RASAL1: variants seen among roughly 807,000 people sequenced by gnomAD.
RASAL1 encodes RAS protein activator like 1, also known as rasGAP-activating-like protein 1.
RASAL1 carries 72 observed loss-of-function variants against 96.6 expected under a neutral mutation model. That is an observed-to-expected ratio of 0.75 (90% CI 0.62 to 0.91). RASAL1 has a LOEUF of 0.91. Among genes scored for constraint, RASAL1 ranks in the 40% least tolerant of loss-of-function variants. RASAL1 has a pLI of 0.00. For synonymous variants in RASAL1, 405 were observed against 430.4 expected (o/e 0.94, Z 0.73); for missense variants, 1,016 against 1,072.5 (o/e 0.95, Z 0.74).
chr12:113,100,460 G>A (rs148436962), intron 20 of RASAL1, among the ~76,000 whole-genome samples, 168 bp downstream of exon 20: 105 of 152,196 alleles, frequency 6.9e-4, no homozygotes, highest in African/African-American at 2.2e-3. Flanking sequence ...CACCACGCCC[G>A]GCTAATTTTT....
At chr12:113,126,193 G>A (rs890587793) in intron 4 of RASAL1, among the ~76,000 whole-genome samples, 1 of 152,192 alleles carries the variant, frequency 6.6e-6, no homozygotes, top group African/African-American at 2.4e-5. Flanking sequence ...GCCAAGGCAG[G>A]AGAATTGCTT....
At chr12:113,132,257 G>A (rs1335487714) in intron 1 of RASAL1, among the ~76,000 whole-genome samples, 1 of 152,154 alleles carries the variant, frequency 6.6e-6, no homozygotes, top group Non-Finnish European at 1.5e-5. Flanking sequence ...ACAGGCGTGA[G>A]CCACCACAGC....
At position 113,132,931 on chromosome 12, in the gene RASAL1, C is replaced by G. The variant is rs536782955; in HGVS notation, c.66-1990G>C. On this transcript the variant is annotated intron_variant, in intron 1 of 20. Coordinates refer to ENST00000548055, the MANE Select transcript of RASAL1 (RefSeq NM_001301202.2). ...AAATCCATTGGAGCCTCAGTTTCCC[C>G]ATCTGGGCTTCACCTTCAGACTCCT... 9.8e-5 allele frequency among the ~76,000 whole-genome samples: 15 copies of G among 152,354 alleles called. 2 individuals are homozygous for G. In the East Asian group the frequency reaches 2.9e-3, roughly 29 times the overall value.
At chr12:113,114,743 G>A (rs1473052363) in intron 12 of RASAL1, 57 bp downstream of exon 12, 18 of 1,469,358 alleles carry the variant, frequency 1.2e-5, no homozygotes, top group Non-Finnish European at 1.7e-5. Context: ...CCCCAGACAA[G>A]GCTCCGGGTA....
At chr12:113,103,869 C>T (rs1322672345) in intron 18 of RASAL1, 77 bp downstream of exon 18, 1 of 1,535,830 alleles carries the variant, frequency 6.5e-7, no homozygotes, top group Non-Finnish European at 8.7e-7. Context: ...GTTGCACAGC[C>T]AGCCCAGGCG....
chr12:113,109,232 G>A (rs1950772631), intron 13 of RASAL1, among the ~76,000 whole-genome samples: 1 of 151,950 alleles, frequency 6.6e-6, no homozygotes, highest in African/African-American at 2.4e-5. Flanking sequence ...TTCAACACCA[G>A]CTACCAAGGA....
intron 16 of RASAL1, 114 bp from the exon 17 acceptor site, chr12:113,104,412 A>AG: frequency 9.3e-7 from 1 of 1,076,320 alleles, no homozygotes; most frequent in Non-Finnish European, 1.3e-6. Context: ...CGGGACATTC[A>AG]ACCCTGTAAG....
At chr12:113,103,009 T>C in intron 18 of RASAL1, 1 of 275,338 alleles carries the variant, frequency 3.6e-6, no homozygotes, top group East Asian at 1.4e-4. Flanking sequence ...AAGCAGCACC[T>C]CCTCCAGGAA....
intron 3 of RASAL1, 60 bp downstream of exon 3, chr12:113,128,005 C>T: frequency 1.3e-6 from 2 of 1,572,750 alleles, no homozygotes; most frequent in Middle Eastern, 1.7e-4. Context: ...ATCCCCTCTC[C>T]CCTCAGGTGC....
In RASAL1 at chr12:113,100,030, T is replaced by TTGC. The variant is rs1220778549; in HGVS notation, c.2314_2316dup (p.Ala772dup). The TTGC allele has an allele frequency of 3.1e-6, 5 of 1,613,026 alleles. No individual in the cohort carries two copies. In the South Asian group the frequency reaches 3.3e-5, roughly 11 times the overall value. On this transcript the variant is annotated inframe_insertion, in exon 21 of 21. Coordinates refer to ENST00000548055, the MANE Select transcript of RASAL1 (RefSeq NM_001301202.2). The stretch of plus-strand genomic sequence containing the variant: ...GCGAGCACCTCCAGCAGGCGGGCAG[T>TTGC]TGCTGCTCTTTGCCGGGCCAGGACC...
chr12:113,128,282 G>A (rs957931067), intron 2 of RASAL1, 104 bp from the exon 3 acceptor site: 19 of 541,330 alleles, frequency 3.5e-5, no homozygotes, highest in East Asian at 1.1e-4. Flanking sequence ...ACACACACAC[G>A]GGAATCCAGA....
At chr12:113,118,099 C>A (rs1175228307) in intron 7 of RASAL1, among the ~76,000 whole-genome samples, 2 of 152,146 alleles carry the variant, frequency 1.3e-5, no homozygotes, top group Non-Finnish European at 2.9e-5. Flanking sequence ...TGGTGTTCAC[C>A]TGTAACCCCA....
At chr12:113,108,892 T>C (rs1315897483) in intron 13 of RASAL1, among the ~76,000 whole-genome samples, 2 of 149,934 alleles carry the variant, frequency 1.3e-5, no homozygotes, top group African/African-American at 4.9e-5. Context: ...TGGAGTGCAG[T>C]GGCACGATCT....
At chr12:113,121,457 A>G (rs1951290924) in intron 5 of RASAL1, 52 bp downstream of exon 5, 1 of 1,606,314 alleles carries the variant, frequency 6.2e-7, no homozygotes, top group Non-Finnish European at 8.5e-7. Flanking sequence ...GACCCAGGGG[A>G]CTCCTGCTCA....
In RASAL1 at chr12:113,099,985, C is replaced by T. The variant is rs767981036; in HGVS notation, c.2362G>A (p.Glu788Lys). The change falls in exon 21 of 21, where the codon GAG (glutamate) becomes AAG (lysine). Residue 788 changes from glutamate to lysine, a missense_variant. By Grantham distance (56) the Glu-to-Lys change is moderately conservative. Transcript: ENST00000548055. ...CCTCGCTCCTGCTGCTGGAACTCCT[C>T]GTGGGCACGATCCAGGTCTGCGAGC... The part of the protein sequence containing the change: ...EVLADLDRAH[E>K]EFQQQERGKA... 4.3e-6 allele frequency: 7 copies of T among 1,613,844 alleles called. No homozygotes were observed. Among genetic ancestry groups the T allele is most frequent in the Middle Eastern group, 1.7e-4 (1 of 6,022 alleles).
intron 8 of RASAL1, among the ~76,000 whole-genome samples, chr12:113,116,571 T>A (rs1185841207): frequency 3.3e-5 from 5 of 152,066 alleles, no homozygotes; most frequent in African/African-American, 1.2e-4. Context: ...TAAATAGGAA[T>A]GTATACAAAC....
intron 8 of RASAL1, among the ~76,000 whole-genome samples, chr12:113,116,709 GC>G: frequency 6.6e-6 from 1 of 152,318 alleles, no homozygotes; most frequent in Non-Finnish European, 1.5e-5. Context: ...GTGTATAGGT[GC>G]GGCCAGTATA....
rs760841864 is a variant in RASAL1, at chr12:113,100,044, CG to C, written c.2302del (p.Arg768GlyfsTer107). 2 of 1,611,826 alleles carry C rather than the reference CG, an allele frequency of 1.2e-6. No homozygotes were observed. The highest frequency in any genetic ancestry group is 1.3e-5 in the African/African-American group (1 of 75,018). On this transcript the variant is annotated frameshift_variant, in exon 21 of 21. Transcript: ENST00000548055. LOFTEE classifies it low-confidence loss of function (END_TRUNC). ...CAGGCGGGCAGTTGCTGCTCTTTGC[CG>C]GGCCAGGACCTCAGGACAGGCCCCT... ...DTGACPEVLA[R>X]QRAATARLLE...
chr12:113,103,872 C>A (rs1372291146), intron 18 of RASAL1, 74 bp downstream of exon 18: 2 of 1,536,248 alleles, frequency 1.3e-6, no homozygotes, highest in Non-Finnish European at 1.7e-6. Flanking sequence ...GCACAGCCAG[C>A]CCAGGCGGAA....
Sources: gnomAD v4.1 joint callset for allele counts (sites outside exome capture counted in the v4.1 genomes callset) on GRCh38, gnomAD v4.1.1 for gene constraint, MANE v1.5 for transcripts, NCBI Gene and HGNC (gene_info 2026-07-23, HGNC 2026-07-21) for gene names.